The following NELL1 variants were observed in gnomAD, a reference collection of about 807,000 sequenced individuals.
The protein encoded by NELL1 is protein kinase C-binding protein NELL1.
NELL1 carries 76 observed loss-of-function variants against 107.4 expected under a neutral mutation model. The ratio of observed to expected loss-of-function variants is 0.71; its 90% CI spans 0.59 to 0.86. The LOEUF (loss-of-function observed/expected upper bound fraction) is 0.86. NELL1 is among the 40% of genes least tolerant of loss of function. The pLI, the probability that NELL1 is intolerant of heterozygous loss-of-function variation, is 0.00. For synonymous variants in NELL1, 353 were observed against 341.2 expected, an observed-to-expected ratio of 1.03 and a Z score of -0.38; for missense variants, 1,024 against 1,005.5, an observed-to-expected ratio of 1.02 and a Z score of -0.25.
chr11:20,818,865 T>C (rs891111949), intron 3 of NELL1, among the ~76,000 whole-genome samples: 3 of 152,220 alleles, frequency 2.0e-5, no homozygotes, highest in Non-Finnish European at 4.4e-5. Flanking sequence ...TCAAATCATG[T>C]CATAAAGTAT....
chr11:21,018,019 ACTTT>A (rs1314754258), intron 12 of NELL1, among the ~76,000 whole-genome samples: 1 of 152,008 alleles, frequency 6.6e-6, no homozygotes, highest in Non-Finnish European at 1.5e-5. Context: ...GCTGGGGAGA[ACTTT>A]CTATCTTTCA....
At position 21,027,755 on chromosome 11, in the gene NELL1, CT is replaced by C. The variant is rs538758437; in HGVS notation, c.1300+67197del. On this transcript the variant is annotated intron_variant, in intron 12 of 19. Coordinates refer to ENST00000357134, the MANE Select transcript of NELL1 (RefSeq NM_006157.5). The stretch of plus-strand genomic sequence containing the variant: ...TACAGTTCCTGAAGGACTTTTTCTT[CT>C]TGTTTTGATTTTTAGCAAAATGCAG... 3.1e-4 allele frequency among the ~76,000 whole-genome samples: 47 copies of C among 152,212 alleles called. 1 individual carries two copies. The highest frequency in any genetic ancestry group is 1.0e-3 in the African/African-American group (42 of 41,550).
At chr11:20,705,993 G>T (rs548893811) in intron 2 of NELL1, among the ~76,000 whole-genome samples, 1 of 152,100 alleles carries the variant, frequency 6.6e-6, no homozygotes, top group African/African-American at 2.4e-5. Flanking sequence ...TTAGAATGGC[G>T]ATTATTAAAA....
intron 12 of NELL1, among the ~76,000 whole-genome samples, chr11:21,039,962 A>G (rs1417525105): frequency 4.6e-5 from 7 of 152,142 alleles, no homozygotes; most frequent in Non-Finnish European, 1.0e-4. Context: ...AAATTGTATA[A>G]TTTAACTTTT....
chr11:21,483,990 C>A, intron 15 of NELL1, among the ~76,000 whole-genome samples: 1 of 88,402 alleles, frequency 1.1e-5, no homozygotes, highest in African/African-American at 4.8e-5. Context: ...TTTTACTTAA[C>A]ATATATATAT....
intron 13 of NELL1, among the ~76,000 whole-genome samples, chr11:21,205,275 C>G (rs1857364727): frequency 6.6e-6 from 1 of 152,174 alleles, no homozygotes; most frequent in South Asian, 2.1e-4. Flanking sequence ...AAGCCCACGA[C>G]TGGGGCTGCT....
At chr11:21,488,153 A>T (rs1590971180) in intron 15 of NELL1, among the ~76,000 whole-genome samples, 1 of 152,178 alleles carries the variant, frequency 6.6e-6, no homozygotes, top group East Asian at 1.9e-4. Context: ...ATGGATTTAA[A>T]TTGGACTTTA....
intron 12 of NELL1, among the ~76,000 whole-genome samples, chr11:21,093,473 G>C (rs1014589397): frequency 6.6e-6 from 1 of 152,088 alleles, no homozygotes. Context: ...ACACTGCCAG[G>C]TTCGTCAGGC....
In NELL1 at chr11:20,708,514, A is replaced by G. The variant is rs559065811; in HGVS notation, c.184+30454A>G. Among the ~76,000 whole-genome samples the G allele has an allele frequency of 5.9e-5, 9 of 151,846 alleles. No individual in the cohort carries two copies. In the South Asian group the frequency reaches 1.5e-3, roughly 25 times the overall value. On this transcript the variant is annotated intron_variant, in intron 2 of 19. Coordinates refer to ENST00000357134, the MANE Select transcript of NELL1 (RefSeq NM_006157.5). ...TTTTTAATGTTTTTTGGCCATTTGT[A>G]TATCTTCTTTTGAGAATTGTCTATT...
chr11:21,088,509 C>T (rs1198366035), intron 12 of NELL1, among the ~76,000 whole-genome samples: 1 of 152,118 alleles, frequency 6.6e-6, no homozygotes, highest in Non-Finnish European at 1.5e-5. Flanking sequence ...TTGGGCTCTT[C>T]TTGGGTAAAT....
chr11:20,975,735 G>A (rs866816753), intron 12 of NELL1, among the ~76,000 whole-genome samples: 27 of 90,180 alleles, frequency 3.0e-4, no homozygotes, highest in East Asian at 7.0e-4. Flanking sequence ...ATTATATAAT[G>A]TATGTATTAT....
At chr11:21,096,946 G>A (rs1009388111) in intron 12 of NELL1, among the ~76,000 whole-genome samples, 52 of 151,828 alleles carry the variant, frequency 3.4e-4, no homozygotes, top group Non-Finnish European at 1.3e-4. Context: ...TCAACTCCTG[G>A]GTTTGAGTAA....
At chr11:21,507,568 C>T (rs1855312931) in intron 15 of NELL1, among the ~76,000 whole-genome samples, 1 of 151,966 alleles carries the variant, frequency 6.6e-6, no homozygotes, top group African/African-American at 2.4e-5. Flanking sequence ...GCTTACATTG[C>T]TTTTTTGAGG....
intron 12 of NELL1, among the ~76,000 whole-genome samples, chr11:21,002,431 G>A (rs1449516078): frequency 6.6e-6 from 1 of 152,148 alleles, no homozygotes; most frequent in African/African-American, 2.4e-5. Flanking sequence ...GTGAATGGTA[G>A]ATTGGAAAGT....
At chr11:21,229,517 T>G in intron 14 of NELL1, 63 bp downstream of exon 14, 1 of 1,604,624 alleles carries the variant, frequency 6.2e-7, no homozygotes, top group Non-Finnish European at 8.5e-7. Context: ...TTGGCACTTG[T>G]GCGTCGGACC....
chr11:20,858,428 G>C (rs546883044), intron 4 of NELL1, among the ~76,000 whole-genome samples: 3 of 152,304 alleles, frequency 2.0e-5, no homozygotes, highest in Admixed American at 6.5e-5. Flanking sequence ...TGATCACCAA[G>C]GAAGTAATAC....
intron 15 of NELL1, among the ~76,000 whole-genome samples, chr11:21,532,027 T>C: frequency 6.6e-6 from 1 of 152,116 alleles, no homozygotes; most frequent in East Asian, 1.9e-4. Flanking sequence ...AAAATGAATT[T>C]TCTGGCTTTA....
intron 15 of NELL1, among the ~76,000 whole-genome samples, chr11:21,448,324 A>G (rs899591071): frequency 1.3e-5 from 2 of 152,136 alleles, no homozygotes; most frequent in South Asian, 2.1e-4. Flanking sequence ...AAATTTTTTT[A>G]TGCTACTGCT....
intron 14 of NELL1, among the ~76,000 whole-genome samples, chr11:21,268,377 TTC>T (rs1848675417): frequency 6.6e-6 from 1 of 152,136 alleles, no homozygotes; most frequent in South Asian, 2.1e-4. Flanking sequence ...TGCCAGAGCA[TTC>T]TGTTCTTAAC....
Sources: gnomAD v4.1 joint callset for allele counts (sites outside exome capture counted in the v4.1 genomes callset) on GRCh38, gnomAD v4.1.1 for gene constraint, MANE v1.5 for transcripts, NCBI Gene and HGNC (gene_info 2026-07-23, HGNC 2026-07-21) for gene names.